The following SIM2 variants were observed in gnomAD, a reference collection of about 807,000 sequenced individuals.
The protein encoded by SIM2 is SIM bHLH transcription factor 2.
SIM2 carries 28 observed loss-of-function variants against 64.8 expected under a neutral mutation model. The ratio of observed to expected loss-of-function variants is 0.43; its 90% CI spans 0.32 to 0.59. SIM2 has a LOEUF of 0.59. Ranked by LOEUF, SIM2 falls within the 20% of genes least tolerant of loss-of-function variation. The pLI, the probability that SIM2 is intolerant of heterozygous loss-of-function variation, is 0.07. For synonymous variants in SIM2, 408 were observed against 391.1 expected, an observed-to-expected ratio of 1.04 and a Z score of -0.51; for missense variants, 847 against 871.4, an observed-to-expected ratio of 0.97 and a Z score of 0.35.
chr21:36,744,260 T>A (rs1355273189), intron 9 of SIM2, among the ~76,000 whole-genome samples: 1 of 138,728 alleles, frequency 7.2e-6, no homozygotes, highest in Admixed American at 7.8e-5. Context: ...ACTTTGGTAA[T>A]GTGGTCATTA....
At chr21:36,735,081 G>A (rs867008042) in intron 7 of SIM2, among the ~76,000 whole-genome samples, 18 of 152,308 alleles carry the variant, frequency 1.2e-4, no homozygotes, top group Admixed American at 7.8e-4. Flanking sequence ...GCTCAACGCC[G>A]GGGATACCCC....
At chr21:36,706,809 G>T (rs1404379727) in intron 1 of SIM2, among the ~76,000 whole-genome samples, 1 of 152,210 alleles carries the variant, frequency 6.6e-6, no homozygotes, top group African/African-American at 2.4e-5. Context: ...GGAAAGGGAC[G>T]TTTGCACCAA....
In SIM2 at chr21:36,745,874, C is replaced by T; in HGVS notation, c.1576+738C>T. 1 of 1,301,970 alleles carries T rather than the reference C, an allele frequency of 7.7e-7. No homozygotes were observed. The allele number at this position is 1,301,970 out of a possible 1,614,324, so 80.7% of individuals were successfully genotyped here. On this transcript the variant is annotated intron_variant, in intron 10 of 10. Transcript: ENST00000290399. The surrounding 1 kb of genome is among the most constrained non-coding windows in gnomAD (Gnocchi z 4.8). The stretch of plus-strand genomic sequence containing the variant: ...TCCTGTTTGCTCGCTGGACCAACCC[C>T]AGGCAGAAGGTGGAAGGTGGGAACA...
At chr21:36,736,624 G>A (rs1018163822) in intron 7 of SIM2, among the ~76,000 whole-genome samples, 1 of 152,112 alleles carries the variant, frequency 6.6e-6, no homozygotes, top group Non-Finnish European at 1.5e-5. Flanking sequence ...CAGAGAAGGG[G>A]GCATGCGGGC....
At chr21:36,737,982 A>AAAAAAAAAAAAAAAAAAAAAAAAAG (rs2089095780) in intron 7 of SIM2, among the ~76,000 whole-genome samples, 1 of 88,790 alleles carries the variant, frequency 1.1e-5, no homozygotes, top group African/African-American at 3.4e-5. Flanking sequence ...AAAAAAAAAA[A>AAAAAAAAAAAAAAAAAAAAAAAAAG]GCAAAAAAAA....
intron 7 of SIM2, among the ~76,000 whole-genome samples, chr21:36,740,862 T>C (rs1010838483): frequency 2.0e-5 from 3 of 152,202 alleles, no homozygotes; most frequent in African/African-American, 7.2e-5. Context: ...AGCAGGAATG[T>C]TCTGGAGCTG....
In SIM2 at chr21:36,748,206, T is replaced by G. The variant is rs2089261487; in HGVS notation, c.*114T>G. On this transcript the variant is annotated 3_prime_UTR_variant, in exon 11 of 11. Coordinates refer to ENST00000290399, the MANE Select transcript of SIM2 (RefSeq NM_005069.6). Reference sequence around the variant, plus strand: ...ATTTATGCAGAGACAGCTGTTTGAATTGGACCCCGCCGCCGACTTGCGGAT... The same window carrying G: ...ATTTATGCAGAGACAGCTGTTTGAAGTGGACCCCGCCGCCGACTTGCGGAT... The G allele has an allele frequency of 2.1e-6, 1 of 467,588 alleles. No individual in the cohort carries two copies. Among genetic ancestry groups the G allele is most frequent in the Non-Finnish European group, 2.9e-6 (1 of 342,268 alleles). 29.0% of individuals were successfully genotyped at this position (467,588 alleles called of 1,614,324 possible).
chr21:36,699,998 C>A lies in SIM2; in HGVS notation c.175+77C>A. On this transcript the variant is annotated intron_variant, in intron 1 of 10. Transcript: ENST00000290399. The surrounding 1 kb of genome is among the most constrained non-coding windows in gnomAD (Gnocchi z 5.6). ...CCCAGGCGGGAAGCGCAAGCCAGCC[C>A]GCCCAGAGGGGTTGCCGCGGCCTGG... 1.4e-6 allele frequency: 2 copies of A among 1,435,308 alleles called. No individual in the cohort carries two copies. The highest frequency in any genetic ancestry group is 1.9e-6 in the Non-Finnish European group (2 of 1,073,156). The allele number at this position is 1,435,308 out of a possible 1,614,324, so 88.9% of individuals were successfully genotyped here.
intron 8 of SIM2, 54 bp from the exon 9 acceptor site, chr21:36,743,333 C>T (rs943943649): frequency 9.8e-6 from 15 of 1,531,296 alleles, no homozygotes; most frequent in Non-Finnish European, 1.3e-5. Flanking sequence ...GCCAGGGAAG[C>T]TGCTCGGCCT....
intron 3 of SIM2, among the ~76,000 whole-genome samples, chr21:36,719,125 C>T (rs2088785276): frequency 6.6e-6 from 1 of 152,208 alleles, no homozygotes; most frequent in Admixed American, 6.5e-5. Flanking sequence ...GGAGCAGGCC[C>T]AGACCCTCCC....
At chr21:36,710,213 G>C (rs1293747806) in intron 2 of SIM2, 1 of 152,356 alleles carries the variant, frequency 6.6e-6, no homozygotes, top group Non-Finnish European at 1.5e-5. Context: ...AGCGGAGTTA[G>C]CCCACTGGCC....
At chr21:36,744,358 G>A (rs1232124418) in intron 9 of SIM2, among the ~76,000 whole-genome samples, 1 of 147,478 alleles carries the variant, frequency 6.8e-6, no homozygotes, top group Admixed American at 6.8e-5. Flanking sequence ...AAGGGAGGGA[G>A]GGAGGGAAGG....
rs2089293846 is a variant in SIM2, at chr21:36,749,352, A to C, written c.*1260A>C. 6.6e-6 allele frequency: 1 copy of C among 152,286 alleles called. No individual in the cohort carries two copies. The highest frequency in any genetic ancestry group is 2.4e-5 in the African/African-American group (1 of 41,404). The allele number at this position is 152,286 out of a possible 1,614,324, so 9.4% of individuals were successfully genotyped here. The stretch of plus-strand genomic sequence containing the variant: ...TGGTTTATTTTAGGAAACTTTTTCC[A>C]CCTTTCTGAATGGAAAGAGGTTTTC... On this transcript the variant is annotated 3_prime_UTR_variant, in exon 11 of 11. Transcript: ENST00000290399.
intron 7 of SIM2, among the ~76,000 whole-genome samples, chr21:36,737,973 A>AAAAAGC (rs2089093995): frequency 8.3e-6 from 1 of 120,242 alleles, no homozygotes; most frequent in Non-Finnish European, 2.0e-5. Context: ...AAAAAAAAAA[A>AAAAAGC]AAAAAAAAAG....
intron 4 of SIM2, among the ~76,000 whole-genome samples, chr21:36,721,725 C>T (rs1474056989): frequency 6.6e-6 from 1 of 152,124 alleles, no homozygotes; most frequent in African/African-American, 2.4e-5. Flanking sequence ...CGTGAGCCAC[C>T]GTGCCTGGCC....
chr21:36,743,402 G>A lies in SIM2; in HGVS notation c.1014G>A (p.Lys338=), dbSNP rs369519991. The A allele has an allele frequency of 4.6e-5, 74 of 1,612,678 alleles. No homozygotes were observed. In the Middle Eastern group the frequency reaches 2.1e-3, roughly 47 times the overall value. The stretch of plus-strand genomic sequence containing the variant: ...CGCCTTCCAGGGAGATTGAATACAA[G>A]GAACTTCAGCTGTCCCTGGAGCAGG... ...VNYVLTEIEY[K]ELQLSLEQVS... is the part of the protein sequence containing the mutation. Residue 338 remains lysine, a synonymous_variant, in exon 9 of 11, where the codon AAG becomes AAA. Transcript: ENST00000290399.
chr21:36,703,992 AC>A (rs1206754959), intron 1 of SIM2, among the ~76,000 whole-genome samples: 1 of 152,218 alleles, frequency 6.6e-6, no homozygotes, highest in Non-Finnish European at 1.5e-5. Context: ...GAAGTTGGAA[AC>A]CAAGGTTGAG....
intron 1 of SIM2, among the ~76,000 whole-genome samples, chr21:36,701,906 G>A (rs907898787): frequency 4.6e-5 from 7 of 152,226 alleles, no homozygotes; most frequent in African/African-American, 1.7e-4. Flanking sequence ...ACTGCCTTCT[G>A]CCCCCTTTGG....
intron 7 of SIM2, among the ~76,000 whole-genome samples, chr21:36,731,906 A>G (rs1465706437): frequency 6.6e-6 from 1 of 152,128 alleles, no homozygotes; most frequent in East Asian, 1.9e-4. Context: ...TTTTTGAGAC[A>G]GAGTCTTGTT....
Sources: gnomAD v4.1 joint callset for allele counts (sites outside exome capture counted in the v4.1 genomes callset) on GRCh38, gnomAD v4.1.1 for gene constraint, Gnocchi (gnomAD v3.1) non-coding constraint, MANE v1.5 for transcripts, NCBI Gene and HGNC (gene_info 2026-07-23, HGNC 2026-07-21) for gene names.